Variants in EFNA5 observed in about 807,000 individuals in gnomAD.
EFNA5 encodes the protein ephrin A5, also known as ephrin-A5.
EFNA5 carries 5 observed loss-of-function variants against 22.9 expected under a neutral mutation model. The observed-to-expected ratio is 0.22, with a 90% CI of 0.11 to 0.46. The LOEUF (loss-of-function observed/expected upper bound fraction) is 0.46. Among genes scored for constraint, EFNA5 ranks in the 20% least tolerant of loss-of-function variants. The pLI, the probability that EFNA5 is intolerant of heterozygous loss-of-function variation, is 0.99. For synonymous variants in EFNA5, 113 were observed against 112.2 expected (o/e 1.01, Z -0.04); for missense variants, 237 against 293.3 (o/e 0.81, Z 1.40).
At chr5:107,480,831 G>A (rs966156708) in intron 1 of EFNA5, among the ~76,000 whole-genome samples, 3 of 152,244 alleles carry the variant, frequency 2.0e-5, no homozygotes, top group Middle Eastern at 3.4e-3. Context: ...CGAGCAATGG[G>A]GACAAACAGG....
intron 1 of EFNA5, among the ~76,000 whole-genome samples, chr5:107,524,947 C>T (rs550024332): frequency 1.1e-4 from 17 of 152,268 alleles, no homozygotes; most frequent in African/African-American, 4.1e-4. Flanking sequence ...TAAACTCATA[C>T]TGTTAATGCA....
At chr5:107,387,637 G>A (rs923496488) in intron 3 of EFNA5, 69 bp downstream of exon 3, 14 of 1,176,374 alleles carry the variant, frequency 1.2e-5, no homozygotes, top group South Asian at 6.8e-5. Flanking sequence ...TTTTACCGCC[G>A]TGAACCAGAC....
At chr5:107,518,132 T>C (rs1271832207) in intron 1 of EFNA5, among the ~76,000 whole-genome samples, 1 of 152,062 alleles carries the variant, frequency 6.6e-6, no homozygotes, top group East Asian at 1.9e-4. Flanking sequence ...AGGTTAACTG[T>C]CTAAAAAGGA....
intron 1 of EFNA5, among the ~76,000 whole-genome samples, chr5:107,504,367 G>A (rs998264932): frequency 2.0e-5 from 3 of 152,030 alleles, no homozygotes; most frequent in East Asian, 1.9e-4. Context: ...CCCTACACTC[G>A]AAGAGGATAC....
rs541857644 is a variant in EFNA5, at chr5:107,574,885, T to C, written c.125+95604A>G. The stretch of plus-strand genomic sequence containing the variant: ...AGATAAAAACCTAAGCCTACTTACA[T>C]ATTAAAAAATGCAGTTGCACTAAAT... On this transcript the variant is annotated intron_variant, in intron 1 of 4. Transcript: ENST00000333274. Among the ~76,000 whole-genome samples the C allele has an allele frequency of 7.9e-5, 12 of 152,308 alleles. No homozygotes were observed. In the South Asian group the frequency reaches 1.2e-3, roughly 16 times the overall value.
intron 2 of EFNA5, among the ~76,000 whole-genome samples, chr5:107,413,660 T>G (rs999238320): frequency 6.6e-6 from 1 of 152,278 alleles, no homozygotes; most frequent in East Asian, 1.9e-4. Context: ...CTAACACAGC[T>G]TGCCACTTTG....
chr5:107,392,489 T>C (rs745848475), intron 2 of EFNA5, among the ~76,000 whole-genome samples: 13 of 152,320 alleles, frequency 8.5e-5, no homozygotes, highest in African/African-American at 1.9e-4. Flanking sequence ...AAGAACTGAA[T>C]TGGCTAACAA....
chr5:107,579,044 T>C (rs1748986397), intron 1 of EFNA5, among the ~76,000 whole-genome samples: 1 of 152,158 alleles, frequency 6.6e-6, no homozygotes, highest in Non-Finnish European at 1.5e-5. Flanking sequence ...AAGCACACTG[T>C]GGCCCTGATC....
intron 1 of EFNA5, among the ~76,000 whole-genome samples, chr5:107,579,712 T>A (rs1749003143): frequency 6.6e-6 from 1 of 152,212 alleles, no homozygotes; most frequent in Admixed American, 6.5e-5. Context: ...GGTGAATTCA[T>A]CATTTAGTTG....
intron 1 of EFNA5, among the ~76,000 whole-genome samples, chr5:107,569,238 G>T (rs983481974): frequency 6.6e-6 from 1 of 151,654 alleles, no homozygotes; most frequent in Non-Finnish European, 1.5e-5. Flanking sequence ...CCTCTAGGAA[G>T]GGGCTTCCTC....
At chr5:107,662,072 T>C (rs1362790096) in intron 1 of EFNA5, among the ~76,000 whole-genome samples, 3 of 152,074 alleles carry the variant, frequency 2.0e-5, no homozygotes, top group Non-Finnish European at 4.4e-5. Flanking sequence ...AAACAAAAGG[T>C]ATTTGTTAGT....
At chr5:107,642,248 A>G (rs941994797) in intron 1 of EFNA5, among the ~76,000 whole-genome samples, 9 of 152,190 alleles carry the variant, frequency 5.9e-5, no homozygotes, top group African/African-American at 2.2e-4. Flanking sequence ...AGAAGGAATA[A>G]GTTCAAGAGA....
intron 1 of EFNA5, among the ~76,000 whole-genome samples, chr5:107,488,636 G>GACAC (rs370869580): frequency 1.3e-5 from 2 of 152,030 alleles, no homozygotes; most frequent in Non-Finnish European, 2.9e-5. Context: ...TTCTTAAGAA[G>GACAC]ACACACACAC....
At chr5:107,631,535 A>C (rs2112536651) in intron 1 of EFNA5, among the ~76,000 whole-genome samples, 1 of 152,284 alleles carries the variant, frequency 6.6e-6, no homozygotes, top group South Asian at 2.1e-4. Context: ...TTTTATATGA[A>C]AATACAAGAA....
chr5:107,654,205 T>A (rs1714458668), intron 1 of EFNA5, among the ~76,000 whole-genome samples: 1 of 152,134 alleles, frequency 6.6e-6, no homozygotes, highest in South Asian at 2.1e-4. Flanking sequence ...GATGGATAGT[T>A]TGTTCTAATA....
chr5:107,639,584 A>G (rs900758789), intron 1 of EFNA5, among the ~76,000 whole-genome samples: 2 of 152,174 alleles, frequency 1.3e-5, no homozygotes, highest in African/African-American at 4.8e-5. Context: ...TTATTTGTTT[A>G]TCTTAAGGCT....
chr5:107,436,372 G>A (rs1187314142), intron 1 of EFNA5, among the ~76,000 whole-genome samples: 1 of 152,154 alleles, frequency 6.6e-6, no homozygotes, highest in Non-Finnish European at 1.5e-5. Flanking sequence ...AAGAGGCCTC[G>A]GGCATGGAGT....
At chr5:107,502,612 C>T (rs1747160353) in intron 1 of EFNA5, among the ~76,000 whole-genome samples, 1 of 152,172 alleles carries the variant, frequency 6.6e-6, no homozygotes, top group Non-Finnish European at 1.5e-5. Context: ...TATACACACA[C>T]ATACATACAT....
At chr5:107,631,725 T>A (rs1378302298) in intron 1 of EFNA5, among the ~76,000 whole-genome samples, 22 of 152,138 alleles carry the variant, frequency 1.4e-4, no homozygotes. Context: ...AGCATTGACA[T>A]AAAGTATTAA....
Sources: allele counts gnomAD v4.1 joint callset (sites outside exome capture counted in the v4.1 genomes callset), GRCh38; gene constraint gnomAD v4.1.1; transcripts MANE v1.5; gene names NCBI Gene and HGNC (gene_info 2026-07-23, HGNC 2026-07-21).